ZNF385D: variants seen among roughly 807,000 people sequenced by gnomAD.
ZNF385D encodes zinc finger protein 385D.
Under a neutral mutation model 35.8 loss-of-function variants are expected in ZNF385D, and 15 were observed. The ratio of observed to expected loss-of-function variants is 0.42; its 90% confidence interval spans 0.28 to 0.64. The LOEUF (loss-of-function observed/expected upper bound fraction) is 0.64, where lower values mean the gene tolerates loss of function less well. Ranked by LOEUF, ZNF385D falls within the 30% of genes least tolerant of loss-of-function variation. The pLI is 0.23. For missense variants in ZNF385D, 474 were observed against 494.6 expected (o/e 0.96, Z 0.39); for synonymous variants, 212 against 186.8 (o/e 1.13, Z -1.10).
At chr3:21,763,941 G>A (rs1281529339) in intron 3 of ZNF385D, among the ~76,000 whole-genome samples, 2 of 152,154 alleles carry the variant, frequency 1.3e-5, no homozygotes, top group Non-Finnish European at 2.9e-5. Flanking sequence ...GGATACTGGA[G>A]TAACTAAGAC....
chr3:21,437,499 A>T (rs113222080), intron 4 of ZNF385D, among the ~76,000 whole-genome samples: 1 of 152,006 alleles, frequency 6.6e-6, no homozygotes, highest in Non-Finnish European at 1.5e-5. Flanking sequence ...TAGCCTTAGT[A>T]CAACAATATT....
At chr3:22,358,990 G>C (rs1424971900) in intron 2 of ZNF385D, among the ~76,000 whole-genome samples, 1 of 149,918 alleles carries the variant, frequency 6.7e-6, no homozygotes, top group Non-Finnish European at 1.5e-5. Flanking sequence ...AATTCAAGCA[G>C]ATGATCCCTT....
Position 21,938,095 on chromosome 3 carries a change from T to C in ZNF385D, c.325+230722A>G, listed in dbSNP as rs1376965465. On this transcript the variant is annotated intron_variant, in intron 3 of 5. Transcript: ENST00000494108. ...TTCAACCGAACAGAATCCCAATGCATAGAATATTGTAGACAATTAGAATTT... is the reference window on the plus strand; with the variant it reads ...TTCAACCGAACAGAATCCCAATGCACAGAATATTGTAGACAATTAGAATTT... Among the ~76,000 whole-genome samples, 4 of 152,204 alleles carry C rather than the reference T, an allele frequency of 2.6e-5. No homozygotes were observed. The East Asian group carries it at 5.8e-4, about 22-fold the overall frequency.
intron 3 of ZNF385D, among the ~76,000 whole-genome samples, chr3:22,124,140 G>A (rs1425405236): frequency 6.6e-6 from 1 of 151,642 alleles, no homozygotes; most frequent in Non-Finnish European, 1.5e-5. Context: ...ATCTCCCCGA[G>A]TTCAACTGTA....
In ZNF385D at chr3:22,316,154, G is replaced by A. The variant is rs554848798; in HGVS notation, c.106+56296C>T. On this transcript the variant is annotated intron_variant, in intron 2 of 5. Coordinates refer to the ZNF385D transcript ENST00000494108. ...CCCGGAAGTGGACTAAGTGCAGGAGGATGGTTTTCCACACTCCTGTGATTT... is the reference window on the plus strand; with the variant it reads ...CCCGGAAGTGGACTAAGTGCAGGAGAATGGTTTTCCACACTCCTGTGATTT... 3.3e-5 allele frequency among the ~76,000 whole-genome samples: 5 copies of A among 152,284 alleles called. No individual in the cohort carries two copies. The Middle Eastern group carries it at 0.01, about 311-fold the overall frequency.
intron 3 of ZNF385D, among the ~76,000 whole-genome samples, chr3:22,123,952 C>CTA (rs1300029907): frequency 3.5e-4 from 36 of 102,088 alleles, no homozygotes; most frequent in Non-Finnish European, 4.5e-4. Flanking sequence ...CTCTCTCTCT[C>CTA]TCTCTCTCTC....
intron 3 of ZNF385D, among the ~76,000 whole-genome samples, chr3:22,106,243 G>A (rs1576329943): frequency 6.6e-6 from 1 of 152,076 alleles, no homozygotes; most frequent in Non-Finnish European, 1.5e-5. Context: ...ACATAATCAG[G>A]TTTTTCCCAG....
At chr3:22,046,043 T>C (rs988813360) in intron 3 of ZNF385D, among the ~76,000 whole-genome samples, 2 of 152,022 alleles carry the variant, frequency 1.3e-5, no homozygotes, top group African/African-American at 4.8e-5. Flanking sequence ...AGTATAATAA[T>C]TGTCAACCCT....
At chr3:21,729,546 A>T (rs2068904727) in intron 1 of ZNF385D, among the ~76,000 whole-genome samples, 1 of 152,066 alleles carries the variant, frequency 6.6e-6, no homozygotes, top group Non-Finnish European at 1.5e-5. Flanking sequence ...CTCTCCCCAC[A>T]AGGTACTTTA....
intron 3 of ZNF385D, among the ~76,000 whole-genome samples, chr3:21,523,770 AAT>A (rs1708056171): frequency 1.1e-5 from 1 of 92,816 alleles, no homozygotes; most frequent in African/African-American, 4.3e-5. Context: ...AGGCTGTGCA[AAT>A]TTTTTTTTTT....
intron 1 of ZNF385D, among the ~76,000 whole-genome samples, chr3:21,708,904 T>C (rs1159472674): frequency 6.6e-6 from 1 of 151,996 alleles, no homozygotes; most frequent in Non-Finnish European, 1.5e-5. Context: ...AACAATAATA[T>C]ACTGATCTTA....
intron 3 of ZNF385D, among the ~76,000 whole-genome samples, chr3:21,883,628 G>A (rs1025279418): frequency 2.0e-5 from 3 of 152,012 alleles, no homozygotes; most frequent in Non-Finnish European, 4.4e-5. Context: ...AAAGAAATTT[G>A]CTGGAAATGA....
At chr3:22,333,652 T>C (rs1199955363) in intron 2 of ZNF385D, among the ~76,000 whole-genome samples, 1 of 152,208 alleles carries the variant, frequency 6.6e-6, no homozygotes, top group Non-Finnish European at 1.5e-5. Context: ...TCCTAAGACT[T>C]TCTATATTTT....
At chr3:21,979,122 C>T (rs556557384) in intron 3 of ZNF385D, among the ~76,000 whole-genome samples, 1 of 151,838 alleles carries the variant, frequency 6.6e-6, no homozygotes, top group African/African-American at 2.4e-5. Flanking sequence ...TGACCCTGAC[C>T]AAATGATACA....
chr3:22,110,788 T>TA (rs72518246), intron 3 of ZNF385D, among the ~76,000 whole-genome samples: 1,512 of 140,966 alleles, frequency 0.011, 10 homozygotes, highest in Non-Finnish European at 0.015. Context: ...TAAAGTATAA[T>TA]AAAAAAAAAA....
chr3:21,623,612 A>T (rs2065062565), intron 2 of ZNF385D, among the ~76,000 whole-genome samples: 1 of 152,062 alleles, frequency 6.6e-6, no homozygotes, highest in South Asian at 2.1e-4. Flanking sequence ...ATGAGCTATG[A>T]TCTCACCACT....
At chr3:21,821,096 T>C (rs1298973370) in intron 3 of ZNF385D, among the ~76,000 whole-genome samples, 3 of 151,888 alleles carry the variant, frequency 2.0e-5, no homozygotes, top group Admixed American at 6.6e-5. Flanking sequence ...CTTCAAGAAA[T>C]TGATAATTGT....
intron 2 of ZNF385D, among the ~76,000 whole-genome samples, chr3:22,262,426 A>G (rs1027116537): frequency 1.3e-5 from 2 of 151,984 alleles, no homozygotes; most frequent in East Asian, 1.9e-4. Flanking sequence ...AATCATTGAG[A>G]TATTTTTTGC....
chr3:22,312,027 G>C (rs184769769), intron 2 of ZNF385D, among the ~76,000 whole-genome samples: 1 of 151,976 alleles, frequency 6.6e-6, no homozygotes, highest in Non-Finnish European at 1.5e-5. Context: ...CCTCCGAATC[G>C]ACCACCACTT....
Sources: gnomAD v4.1 joint callset for allele counts (sites outside exome capture counted in the v4.1 genomes callset) on GRCh38, gnomAD v4.1.1 for gene constraint, MANE v1.5 for transcripts, NCBI Gene and HGNC (gene_info 2026-07-23, HGNC 2026-07-21) for gene names.